The following TRAK1 variants were observed in gnomAD, a reference collection of about 807,000 sequenced individuals.
TRAK1 encodes the protein trafficking kinesin protein 1.
TRAK1 carries 33 observed loss-of-function variants against 92.1 expected under a neutral mutation model. The ratio of observed to expected loss-of-function variants is 0.36; its 90% CI spans 0.27 to 0.48. The LOEUF is 0.48. Among genes scored for constraint, TRAK1 ranks in the 20% least tolerant of loss-of-function variants. The probability of loss-of-function intolerance (pLI) is 0.99; values close to 1 mark genes in which losing one functional copy is unlikely to be tolerated. For synonymous variants in TRAK1, 521 were observed against 517.3 expected, an observed-to-expected ratio of 1.01 and a Z score of -0.10; for missense variants, 1,123 against 1,257.9, an observed-to-expected ratio of 0.89 and a Z score of 1.62.
At chr3:42,042,944 C>T (rs919612487) in intron 1 of TRAK1, among the ~76,000 whole-genome samples, 9 of 152,048 alleles carry the variant, frequency 5.9e-5, no homozygotes, top group African/African-American at 2.2e-4. Flanking sequence ...ATCTCCTCAT[C>T]TCGTCTTTAA....
intron 1 of TRAK1, among the ~76,000 whole-genome samples, chr3:42,052,333 G>T (rs941907826): frequency 2.0e-5 from 3 of 152,296 alleles, no homozygotes; most frequent in African/African-American, 7.2e-5. Context: ...AGGCATGGGG[G>T]CCCAGCAATC....
intron 1 of TRAK1, among the ~76,000 whole-genome samples, chr3:42,110,572 A>G (rs1264216199): frequency 6.6e-6 from 1 of 152,078 alleles, no homozygotes. Context: ...CCCTTGCCCA[A>G]TTCAGCTTCA....
chr3:42,126,017 A>ATT (rs924121467), intron 2 of TRAK1, among the ~76,000 whole-genome samples: 2 of 151,922 alleles, frequency 1.3e-5, no homozygotes, highest in African/African-American at 4.8e-5. Flanking sequence ...TGCCCGGCTA[A>ATT]TTTTTGTATT....
chr3:42,123,864 C>T (rs905141811), intron 1 of TRAK1, among the ~76,000 whole-genome samples: 1 of 152,040 alleles, frequency 6.6e-6, no homozygotes, highest in Non-Finnish European at 1.5e-5. Context: ...GACTTCAGGC[C>T]CAGCAAGATT....
At chr3:42,142,510 G>A (rs969982385) in intron 2 of TRAK1, among the ~76,000 whole-genome samples, 3 of 152,166 alleles carry the variant, frequency 2.0e-5, no homozygotes, top group Non-Finnish European at 4.4e-5. Flanking sequence ...GCTCCTACCC[G>A]AGTATAGTCT....
intron 2 of TRAK1, among the ~76,000 whole-genome samples, chr3:42,161,359 T>G (rs762751126): frequency 6.6e-6 from 1 of 152,226 alleles, no homozygotes; most frequent in Non-Finnish European, 1.5e-5. Context: ...TCTATTTTCC[T>G]GTCTTGGGAT....
intron 2 of TRAK1, among the ~76,000 whole-genome samples, chr3:42,135,553 C>G (rs1697842084): frequency 6.6e-6 from 1 of 152,092 alleles, no homozygotes; most frequent in Non-Finnish European, 1.5e-5. Flanking sequence ...CAAACGAGAC[C>G]CCATCTCTAC....
At chr3:42,064,740 A>G (rs1292432526) in intron 1 of TRAK1, among the ~76,000 whole-genome samples, 2 of 152,130 alleles carry the variant, frequency 1.3e-5, no homozygotes. Flanking sequence ...TATATTTTTA[A>G]TGGGTTAAGT....
intron 1 of TRAK1, among the ~76,000 whole-genome samples, chr3:42,046,363 A>G (rs997924129): frequency 1.3e-5 from 2 of 151,650 alleles, no homozygotes; most frequent in Admixed American, 1.3e-4. Context: ...GACCACACAT[A>G]ATTTTTACAC....
At chr3:42,075,366 AG>A in intron 1 of TRAK1, among the ~76,000 whole-genome samples, 4 of 141,742 alleles carry the variant, frequency 2.8e-5, no homozygotes, top group African/African-American at 1.0e-4. Context: ...AAAAAAAAAA[AG>A]AATGAGGTAT....
intron 1 of TRAK1, among the ~76,000 whole-genome samples, chr3:42,044,560 A>C (rs1250576372): frequency 6.6e-6 from 1 of 152,212 alleles, no homozygotes; most frequent in East Asian, 1.9e-4. Flanking sequence ...TAGAGTCAAC[A>C]AATTGGATTT....
In TRAK1 at chr3:42,069,245, C is replaced by T. The variant is rs577186745; in HGVS notation, c.-518-17859C>T. On this transcript the variant is annotated intron_variant, in intron 1 of 16. Coordinates refer to the TRAK1 transcript ENST00000487159. ...TACAGGTGGGAGGATTGCTTTAGCC[C>T]GGGAGGTCAAGGCTGCAGTGAGACT... Among the ~76,000 whole-genome samples, 18 of 149,982 alleles carry T rather than the reference C, an allele frequency of 1.2e-4. No individual in the cohort carries two copies. In the South Asian group the frequency reaches 2.5e-3, roughly 21 times the overall value.
chr3:42,201,925 CA>C (rs1707683187), intron 12 of TRAK1, among the ~76,000 whole-genome samples: 1 of 150,966 alleles, frequency 6.6e-6, no homozygotes, highest in Non-Finnish European at 1.5e-5. Context: ...CACACACACA[CA>C]CACACCATTG....
chr3:42,145,069 A>ACTTTTTAC (rs1699161536), intron 2 of TRAK1, among the ~76,000 whole-genome samples: 1 of 152,248 alleles, frequency 6.6e-6, no homozygotes, highest in Non-Finnish European at 1.5e-5. Context: ...TGTAAGCAAG[A>ACTTTTTAC]CACACAGTCA....
rs74398883 is a variant in TRAK1, at chr3:42,194,406, C to T, written c.976-398C>T. On this transcript the variant is annotated intron_variant, in intron 9 of 15. Transcript: ENST00000327628. ...GGCTACCACACCCACCTAATTTTTGCTTTTTTTTTTTTGAAAGATGAGGTT... is the reference window on the plus strand; with the variant it reads ...GGCTACCACACCCACCTAATTTTTGTTTTTTTTTTTTTGAAAGATGAGGTT... 0.029 allele frequency among the ~76,000 whole-genome samples: 268 copies of T among 9,210 alleles called. 2 individuals carry two copies. In the East Asian group the frequency reaches 0.41, roughly 14 times the overall value. The allele number at this position is 9,210 out of a possible 152,430, so 6.0% of individuals were successfully genotyped here. A position where few individuals can be genotyped will look rare whatever the true frequency, so the allele number is the denominator to read the frequency against.
At chr3:42,013,631 T>G (rs1701393935), upstream of TRAK1, among the ~76,000 whole-genome samples, 1 of 140,044 alleles carries the variant, frequency 7.1e-6, no homozygotes, top group African/African-American at 2.6e-5. The surrounding 1 kb of genome is among the most constrained non-coding windows in gnomAD (Gnocchi z 5.1). Flanking sequence ...GGAGGGGAGG[T>G]GCAAGCCGCC....
chr3:42,179,386 G>A (rs1326100187), intron 3 of TRAK1, among the ~76,000 whole-genome samples: 5 of 152,338 alleles, frequency 3.3e-5, no homozygotes, highest in Admixed American at 6.5e-5. Context: ...TGGGGGATTC[G>A]CACAGGATCC....
At chr3:42,184,986 G>A in intron 4 of TRAK1, 185 bp downstream of exon 4, 1 of 566,152 alleles carries the variant, frequency 1.8e-6, no homozygotes, top group Non-Finnish European at 3.2e-6. Context: ...CCACCTTCCT[G>A]CAGCTCCTGC....
chr3:42,063,136 A>G (rs985917636), intron 1 of TRAK1, among the ~76,000 whole-genome samples: 7 of 152,256 alleles, frequency 4.6e-5, no homozygotes, highest in African/African-American at 1.7e-4. Context: ...TGTTATAAAT[A>G]AAGTTTTATT....
Sources: allele counts gnomAD v4.1 joint callset (sites outside exome capture counted in the v4.1 genomes callset), GRCh38; gene constraint gnomAD v4.1.1; non-coding constraint Gnocchi (gnomAD v3.1); transcripts MANE v1.5; gene names NCBI Gene and HGNC (gene_info 2026-07-23, HGNC 2026-07-21).